PLEKHH2: variants seen among roughly 807,000 people sequenced by gnomAD.
The protein encoded by PLEKHH2 is pleckstrin homology domain-containing family H member 2.
In PLEKHH2, 129 loss-of-function variants were observed where a neutral mutation model predicts 187.9. The observed-to-expected ratio is 0.69, with a 90% CI of 0.59 to 0.79. PLEKHH2 has a LOEUF of 0.79. Among genes scored for constraint, PLEKHH2 ranks in the 30% least tolerant of loss-of-function variants. The probability of loss-of-function intolerance (pLI) is 0.00; values close to 1 mark genes in which losing one functional copy is unlikely to be tolerated. For synonymous variants in PLEKHH2, 686 were observed against 605.6 expected (o/e 1.13, Z -1.95); for missense variants, 2,076 against 1,751.2 (o/e 1.19, Z -3.31).
intron 2 of PLEKHH2, chr2:43,676,262 C>G: frequency 6.2e-7 from 1 of 1,613,560 alleles, no homozygotes; most frequent in Non-Finnish European, 8.5e-7. Context: ...GTTATCAAAA[C>G]CCAGGAAATG....
In PLEKHH2 at chr2:43,758,911, A is replaced by G. The variant is rs1452661865; in HGVS notation, c.3953A>G (p.Gln1318Arg). 3 of 1,576,884 alleles carry G rather than the reference A, an allele frequency of 1.9e-6. No homozygotes were observed. The highest frequency in any genetic ancestry group is 2.6e-6 in the Non-Finnish European group (3 of 1,160,522). ...CSEEQLRQLC[Q>R]RLSTRWMALR... ...TTCTTTTTTTTTAGGCAGCTTTGCC[A>G]GCGACTTTCAACCAGATGGATGGCC... Residue 1318 changes from glutamine (Q) to arginine (R), a missense_variant, in exon 27 of 30, where the codon CAG (glutamine) becomes CGG (arginine). Gln to Arg is a conservative substitution (Grantham distance 43). Coordinates refer to ENST00000282406, the MANE Select transcript of PLEKHH2 (RefSeq NM_172069.4).
intron 7 of PLEKHH2, 35 bp from the exon 8 acceptor site, chr2:43,699,612 A>T (rs1231894343): frequency 6.3e-7 from 1 of 1,580,692 alleles, no homozygotes; most frequent in Non-Finnish European, 8.6e-7. Context: ...TATATTCTTA[A>T]AGGCAGCATG....
Position 43,707,514 on chromosome 2 carries a change from T to C in PLEKHH2, c.1935T>C (p.Ser645=). The C allele has an allele frequency of 6.2e-7, 1 of 1,613,866 alleles. No individual in the cohort carries two copies. The highest frequency in any genetic ancestry group is 8.5e-7 in the Non-Finnish European group (1 of 1,179,954). Residue 645 remains serine, a synonymous_variant, in exon 11 of 30, where the codon AGT becomes AGC. Coordinates refer to ENST00000282406, the MANE Select transcript of PLEKHH2 (RefSeq NM_172069.4). ...RTSESDSRSR[S]GPGSPRAMKR... is the part of the protein sequence containing the mutation. Reference sequence around the variant, plus strand: ...CAGAGTCAGACTCACGCAGTAGGAGTGGGCCAGGCAGCCCCAGAGCCATGA... The same window carrying C: ...CAGAGTCAGACTCACGCAGTAGGAGCGGGCCAGGCAGCCCCAGAGCCATGA...
Position 43,738,356 on chromosome 2 carries a change from A to G in PLEKHH2, c.2959A>G (p.Ile987Val). 1 of 1,608,846 alleles carries G rather than the reference A, an allele frequency of 6.2e-7. No individual in the cohort carries two copies. Among genetic ancestry groups the G allele is most frequent in the Non-Finnish European group, 8.5e-7 (1 of 1,176,580 alleles). ...IKLFKTCQLFINAAVDSPAID... is the reference protein window; with the variant it reads ...IKLFKTCQLFVNAAVDSPAID... The stretch of plus-strand genomic sequence containing the variant: ...TTTAATTCAGACCTGCCAGCTTTTT[A>G]TAAATGCTGCAGTTGACTCTCCTGC... The change falls in exon 20 of 30, where the codon ATA (isoleucine) becomes GTA (valine). Residue 987 changes from isoleucine (I) to valine (V), a missense_variant. By Grantham distance (29) the Ile-to-Val change is conservative. Transcript: ENST00000282406.
intron 27 of PLEKHH2, among the ~76,000 whole-genome samples, chr2:43,760,005 A>C (rs1672361107): frequency 6.6e-6 from 1 of 152,216 alleles, no homozygotes; most frequent in South Asian, 2.1e-4. Flanking sequence ...TATACTAATT[A>C]AGAAAAAGAT....
chr2:43,741,008 C>T lies in PLEKHH2; in HGVS notation c.3186C>T (p.Leu1062=). The change falls in exon 21 of 30, where the codon CTC becomes CTT. Residue 1062 remains leucine (L), a synonymous_variant. Transcript: ENST00000282406. ...LFLPHHPFLW[L]LRLHLKRNAD... is the part of the protein sequence containing the mutation. ...TTCCCCATCATCCTTTCCTGTGGCT[C>T]CTCAGGCTTCACCTAAAGAGGAATG... 6.2e-7 allele frequency: 1 copy of T among 1,613,954 alleles called. No homozygotes were observed. Among genetic ancestry groups the T allele is most frequent in the Non-Finnish European group, 8.5e-7 (1 of 1,179,912 alleles).
chr2:43,745,887 T>C lies in PLEKHH2; in HGVS notation c.3577T>C (p.Trp1193Arg). 1.9e-6 allele frequency: 3 copies of C among 1,611,102 alleles called. No homozygotes were observed. The highest frequency in any genetic ancestry group is 2.5e-6 in the Non-Finnish European group (3 of 1,178,102). ...CTAGATTTGTGACATTATTTCCAAA[T>C]GGGAACAGGCTTCCAAAGAACAGCA... is the stretch of plus-strand genomic sequence containing the variant. ...NIKICDIISK[W>R]EQASKEQQPG... The change falls in exon 24 of 30, where the codon TGG (tryptophan) becomes CGG (arginine). Residue 1193 changes from tryptophan (W) to arginine (R), a missense_variant. Transcript: ENST00000282406.
intron 19 of PLEKHH2, among the ~76,000 whole-genome samples, chr2:43,737,377 T>C (rs1369977391): frequency 6.6e-6 from 1 of 152,210 alleles, no homozygotes; most frequent in Non-Finnish European, 1.5e-5. Flanking sequence ...ATGCAGGTGA[T>C]GGTAGATAAG....
chr2:43,713,701 T>A (rs570898324), intron 15 of PLEKHH2, among the ~76,000 whole-genome samples: 1 of 151,652 alleles, frequency 6.6e-6, no homozygotes, highest in Non-Finnish European at 1.5e-5. Context: ...GACTTAATAT[T>A]ATTTTTAAGT....
chr2:43,639,490 T>G (rs1055312241), intron 1 of PLEKHH2, among the ~76,000 whole-genome samples: 1 of 152,214 alleles, frequency 6.6e-6, no homozygotes, highest in Admixed American at 6.5e-5. Context: ...TTGCCTCTTA[T>G]GGACATTTCA....
chr2:43,765,556 T>C lies in PLEKHH2; in HGVS notation c.4440T>C (p.Leu1480=), dbSNP rs756487219. ...CCAGAATGATGGGAAGCCAGCCTCT[T>C]CTGTCAAGCAGCAGACCGACCAAAG... ...PQARMMGSQP[L]LSSSRPTKGP... Residue 1480 remains leucine, a synonymous_variant, in exon 30 of 30, where the codon CTT becomes CTC. Transcript: ENST00000282406. 23 of 1,613,480 alleles carry C rather than the reference T, an allele frequency of 1.4e-5. No homozygotes were observed. Among genetic ancestry groups the C allele is most frequent in the Non-Finnish European group, 1.9e-5 (23 of 1,179,976 alleles).
chr2:43,760,449 G>A (rs940658884), intron 27 of PLEKHH2, among the ~76,000 whole-genome samples: 3 of 133,472 alleles, frequency 2.2e-5, no homozygotes, highest in Non-Finnish European at 3.1e-5. Flanking sequence ...TGCAACCTCC[G>A]CCTCCCAGGT....
In PLEKHH2 at chr2:43,764,209, C is replaced by T. The variant is rs760182825; in HGVS notation, c.4159-19C>T. ...GAAGTAAGAGCATATAACATATATA[C>T]TTTTTCTTATCTTTAAAGAGGTTAA... On this transcript the variant is annotated intron_variant, in intron 28 of 29. Transcript: ENST00000282406. The T allele has an allele frequency of 2.2e-6, 3 of 1,369,566 alleles. No individual in the cohort carries two copies. Among genetic ancestry groups the T allele is most frequent in the South Asian group, 1.8e-5 (1 of 56,756 alleles). 84.8% of individuals were successfully genotyped at this position (1,369,566 alleles called of 1,614,324 possible).
At chr2:43,751,242 AGACTTTGCAGAGTGGT>A (rs1454214616) in intron 24 of PLEKHH2, among the ~76,000 whole-genome samples, 1 of 152,216 alleles carries the variant, frequency 6.6e-6, no homozygotes, top group African/African-American at 2.4e-5. Context: ...ACATAGAGGA[AGACTTTGCAGAGTGGT>A]GACTTCTGAG....
chr2:43,668,419 AT>A (rs1392534878), intron 2 of PLEKHH2, among the ~76,000 whole-genome samples: 1 of 152,212 alleles, frequency 6.6e-6, no homozygotes, highest in Non-Finnish European at 1.5e-5. Flanking sequence ...ATATTAGATC[AT>A]TTATCATTAT....
chr2:43,659,761 G>A (rs764418204), intron 2 of PLEKHH2, among the ~76,000 whole-genome samples: 1 of 152,014 alleles, frequency 6.6e-6, no homozygotes, highest in Non-Finnish European at 1.5e-5. Flanking sequence ...GTTTGACCCT[G>A]TTGGCCAGGC....
chr2:43,732,717 G>A (rs143059022), intron 19 of PLEKHH2, among the ~76,000 whole-genome samples: 7 of 151,792 alleles, frequency 4.6e-5, no homozygotes, highest in South Asian at 2.1e-4. Flanking sequence ...TGATAACTGC[G>A]TCCTGGCTTT....
At chr2:43,693,846 A>G (rs1572568083) in intron 4 of PLEKHH2, among the ~76,000 whole-genome samples, 1 of 151,864 alleles carries the variant, frequency 6.6e-6, no homozygotes, top group Non-Finnish European at 1.5e-5. Context: ...GTTTATTTTC[A>G]GCATTTTTTC....
intron 26 of PLEKHH2, among the ~76,000 whole-genome samples, chr2:43,757,672 C>G (rs1253173335): frequency 6.6e-6 from 1 of 152,120 alleles, no homozygotes; most frequent in Non-Finnish European, 1.5e-5. Flanking sequence ...CCTGTCTCAG[C>G]CTCCCAAAGT....
Sources: allele counts gnomAD v4.1 joint callset (sites outside exome capture counted in the v4.1 genomes callset), GRCh38; gene constraint gnomAD v4.1.1; transcripts MANE v1.5; gene names NCBI Gene and HGNC (gene_info 2026-07-23, HGNC 2026-07-21).